Variants in PVT1 observed in about 807,000 individuals in gnomAD.
The protein encoded by PVT1 is CXCR4/PVT1 fusion.
chr8:127,900,905 C>A (rs1242650182), intron 3 of PVT1, among the ~76,000 whole-genome samples: 1 of 152,190 alleles, frequency 6.6e-6, no homozygotes, highest in East Asian at 1.9e-4. Context: ...AGTCAGCATG[C>A]CCCACACCAT....
chr8:127,934,869 C>T (rs1816253540), intron 3 of PVT1, among the ~76,000 whole-genome samples: 1 of 152,116 alleles, frequency 6.6e-6, no homozygotes, highest in Non-Finnish European at 1.5e-5. Context: ...TTTGTTGCTC[C>T]TGGGGCCAGA....
intron 4 of PVT1, among the ~76,000 whole-genome samples, chr8:128,043,540 A>G (rs918368117): frequency 2.0e-5 from 3 of 152,196 alleles, no homozygotes; most frequent in Non-Finnish European, 2.9e-5. Flanking sequence ...GAGATGGCCT[A>G]CGGCAGGAGC....
intron 2 of PVT1, among the ~76,000 whole-genome samples, chr8:127,837,964 C>G (rs570596155): frequency 6.6e-6 from 1 of 150,468 alleles, no homozygotes; most frequent in Admixed American, 6.6e-5. Flanking sequence ...GTGGTGCAAT[C>G]TCGGCTCACT....
At chr8:127,846,798 A>G (rs1288806095) in intron 2 of PVT1, among the ~76,000 whole-genome samples, 1 of 151,094 alleles carries the variant, frequency 6.6e-6, no homozygotes, top group East Asian at 1.9e-4. Context: ...CACCCTCCCA[A>G]GTAGCTGGGA....
At chr8:128,084,218 C>A (rs1044125123) in intron 5 of PVT1, among the ~76,000 whole-genome samples, 1 of 152,174 alleles carries the variant, frequency 6.6e-6, no homozygotes, top group African/African-American at 2.4e-5. Context: ...CTTCTCTGTC[C>A]TTAGTGAACC....
chr8:127,851,574 C>G (rs551196029), intron 2 of PVT1, among the ~76,000 whole-genome samples: 1 of 152,250 alleles, frequency 6.6e-6, no homozygotes, highest in Admixed American at 6.5e-5. Context: ...CAGCCATTCT[C>G]TGGATGTGGC....
chr8:127,960,745 T>G (rs768874723), intron 3 of PVT1: 10 of 483,998 alleles, frequency 2.1e-5, no homozygotes, highest in Non-Finnish European at 3.8e-5. Context: ...GTTTTCTGTT[T>G]TTTGTGGGGA....
At chr8:127,977,474 G>A (rs1225333265) in intron 3 of PVT1, among the ~76,000 whole-genome samples, 2 of 152,220 alleles carry the variant, frequency 1.3e-5, no homozygotes, top group African/African-American at 2.4e-5. Context: ...GTTCACACCT[G>A]TAATCCCAGC....
intron 4 of PVT1, among the ~76,000 whole-genome samples, chr8:128,028,457 A>G (rs1323676378): frequency 1.3e-5 from 2 of 152,184 alleles, no homozygotes; most frequent in African/African-American, 4.8e-5. Context: ...CTCTGTCTCC[A>G]CAAAGGAGAA....
intron 2 of PVT1, among the ~76,000 whole-genome samples, chr8:127,820,579 G>A (rs1168291925): frequency 6.6e-6 from 1 of 152,180 alleles, no homozygotes; most frequent in Non-Finnish European, 1.5e-5. Context: ...GGGTGCTTGG[G>A]TGAAGAATTA....
At chr8:128,078,277 CGAGT>C (rs1814118081) in intron 5 of PVT1, among the ~76,000 whole-genome samples, 1 of 152,156 alleles carries the variant, frequency 6.6e-6, no homozygotes, top group Non-Finnish European at 1.5e-5. Flanking sequence ...GCTGGGTAGG[CGAGT>C]GAGTGAGTAA....
intron 3 of PVT1, among the ~76,000 whole-genome samples, chr8:127,918,998 G>C (rs1816024221): frequency 6.6e-6 from 1 of 152,174 alleles, no homozygotes. Context: ...TCTGGGTTCT[G>C]ATCGTTGGGG....
At position 127,921,854 on chromosome 8, in the gene PVT1, G is replaced by GTTTTTTTTTTTTTTTT. The variant is rs71300279; in HGVS notation, n.782+30865_782+30880dup. 3.9e-4 allele frequency among the ~76,000 whole-genome samples: 28 copies of GTTTTTTTTTTTTTTTT among 71,924 alleles called. 2 individuals are homozygous for GTTTTTTTTTTTTTTTT. Among genetic ancestry groups the GTTTTTTTTTTTTTTTT allele is most frequent in the South Asian group, 1.5e-3 (2 of 1,376 alleles). 47.2% of individuals were successfully genotyped at this position (71,924 alleles called of 152,430 possible). A position where few individuals can be genotyped will look rare whatever the true frequency, so the allele number is the denominator to read the frequency against. On this transcript the variant is annotated intron_variant and non_coding_transcript_variant, in intron 3 of 10. Transcript: ENST00000651587. ...AAAAAAATTATAATTTTTGGTTCAT[G>GTTTTTTTTTTTTTTTT]TTTTTTTTTTTTTTTTTTTTTTTTG...
At chr8:128,006,551 A>G (rs1436443397) in intron 4 of PVT1, among the ~76,000 whole-genome samples, 1 of 152,160 alleles carries the variant, frequency 6.6e-6, no homozygotes, top group Non-Finnish European at 1.5e-5. Context: ...CTATGTAAGT[A>G]TCTTGTTTCT....
intron 4 of PVT1, among the ~76,000 whole-genome samples, chr8:128,050,765 T>C (rs2130104555): frequency 6.6e-6 from 1 of 152,320 alleles, no homozygotes; most frequent in African/African-American, 2.4e-5. Flanking sequence ...AGGCTCCTAC[T>C]GGGGCTTGAC....
Position 128,075,620 on chromosome 8 carries a change from G to A in PVT1, n.1114+5259G>A, listed in dbSNP as rs373069122. On this transcript the variant is annotated intron_variant and non_coding_transcript_variant, in intron 5 of 10. Coordinates refer to ENST00000651587, the Ensembl canonical transcript of PVT1. ...TTATCTTTTAGAGCACATTCCTGCA[G>A]ACCATTCTAATTCATTTAAGTGTAT... Among the ~76,000 whole-genome samples the A allele has an allele frequency of 2.0e-5, 3 of 152,212 alleles. No homozygotes were observed. In the East Asian group the frequency reaches 5.8e-4, roughly 29 times the overall value.
intron 2 of PVT1, among the ~76,000 whole-genome samples, chr8:127,887,702 T>G (rs1198368884): frequency 6.6e-6 from 1 of 151,942 alleles, no homozygotes; most frequent in Non-Finnish European, 1.5e-5. Context: ...ATTGTTTGTA[T>G]TTTTAGTAGA....
At chr8:127,952,494 C>G (rs1187435862) in intron 3 of PVT1, among the ~76,000 whole-genome samples, 1 of 152,262 alleles carries the variant, frequency 6.6e-6, no homozygotes, top group Non-Finnish European at 1.5e-5. Flanking sequence ...TTCCAGACCC[C>G]TGGTTTCCTC....
At chr8:127,958,655 A>C (rs7010121) in intron 3 of PVT1, among the ~76,000 whole-genome samples, 1 of 151,982 alleles carries the variant, frequency 6.6e-6, no homozygotes, top group East Asian at 1.9e-4. Flanking sequence ...CCAGAGGTAG[A>C]TGAGAGCCAG....
Sources: allele counts gnomAD v4.1 joint callset (sites outside exome capture counted in the v4.1 genomes callset), GRCh38; gene constraint gnomAD v4.1.1; transcripts MANE v1.5; gene names NCBI Gene and HGNC (gene_info 2026-07-23, HGNC 2026-07-21).